ZDHHC13: variants seen among roughly 807,000 people sequenced by gnomAD.
ZDHHC13 encodes the protein palmitoyltransferase ZDHHC13.
In ZDHHC13, 85 loss-of-function variants were observed where a neutral mutation model predicts 86.0. That is an observed-to-expected ratio of 0.99 (90% CI 0.83 to 1.18). ZDHHC13 has a LOEUF of 1.18. Ranked by LOEUF, ZDHHC13 falls within the 50% of genes most tolerant of loss-of-function variation. ZDHHC13 has a pLI of 0.00. For synonymous variants in ZDHHC13, 263 were observed against 246.4 expected, an observed-to-expected ratio of 1.07 and a Z score of -0.63; for missense variants, 711 against 730.2, an observed-to-expected ratio of 0.97 and a Z score of 0.30.
intron 15 of ZDHHC13, 138 bp downstream of exon 15, chr11:19,170,706 T>C: frequency 1.2e-6 from 1 of 834,194 alleles, no homozygotes; most frequent in Non-Finnish European, 1.8e-6. Context: ...CCATGTCATT[T>C]AACCACACTT....
At chr11:19,171,294 C>T (rs1275842841) in intron 15 of ZDHHC13, among the ~76,000 whole-genome samples, 1 of 152,254 alleles carries the variant, frequency 6.6e-6, no homozygotes, top group South Asian at 2.1e-4. Flanking sequence ...ATTGCTGTGT[C>T]CTGCCCATGT....
chr11:19,175,879 G>C lies in ZDHHC13; in HGVS notation c.1788G>C (p.Val596=). 6.2e-7 allele frequency: 1 copy of C among 1,613,588 alleles called. No homozygotes were observed. The highest frequency in any genetic ancestry group is 8.5e-7 in the Non-Finnish European group (1 of 1,179,778). Residue 596 remains valine, a synonymous_variant, in exon 17 of 17, where the codon GTG becomes GTC. Coordinates refer to ENST00000446113, the MANE Select transcript of ZDHHC13 (RefSeq NM_019028.3). ...TTCAGTGTGGCTGCTTTGGCTTGGT[G>C]AAGCCCTGTGTGGTAGATTGGACAT... is the stretch of plus-strand genomic sequence containing the variant. The part of the protein sequence containing the change: ...DFFQCGCFGL[V]KPCVVDWTSQ...
Position 19,160,818 on chromosome 11 carries a change from T to G in ZDHHC13, c.1108+1778T>G, listed in dbSNP as rs895074758. Among the ~76,000 whole-genome samples the G allele has an allele frequency of 3.3e-4, 50 of 152,084 alleles. 2 individuals are homozygous for G. The highest frequency in any genetic ancestry group is 1.2e-3 in the African/African-American group (49 of 41,342). ...ACCTATTTCTTGGATGAGTTTTTTTTGTTTGTTTTTGTTTTAATCTCAGAC... is the reference window on the plus strand; with the variant it reads ...ACCTATTTCTTGGATGAGTTTTTTTGGTTTGTTTTTGTTTTAATCTCAGAC... On this transcript the variant is annotated intron_variant, in intron 10 of 16. Transcript: ENST00000446113.
In ZDHHC13 at chr11:19,117,304, T is replaced by A. The variant is rs1565014859; in HGVS notation, c.27+28T>A. On this transcript the variant is annotated intron_variant, in intron 1 of 16. Transcript: ENST00000446113. The surrounding 1 kb of genome is among the most constrained non-coding windows in gnomAD (Gnocchi z 4.2). ...GAGTGCGGCCGGGCGGTGGCTGTCC[T>A]GGGGGCCGGGAGAGCGGCTGCAGCT... The A allele has an allele frequency of 3.4e-6, 5 of 1,454,590 alleles. No homozygotes were observed. The highest frequency in any genetic ancestry group is 4.5e-6 in the Non-Finnish European group (5 of 1,103,262). The allele number at this position is 1,454,590 out of a possible 1,614,324, so 90.1% of individuals were successfully genotyped here.
chr11:19,165,413 C>T (rs1850035714), intron 13 of ZDHHC13, among the ~76,000 whole-genome samples: 1 of 152,162 alleles, frequency 6.6e-6, no homozygotes, highest in Admixed American at 6.5e-5. Flanking sequence ...GAAGTTAAAA[C>T]ACTTAACTTA....
intron 1 of ZDHHC13, among the ~76,000 whole-genome samples, chr11:19,137,144 C>G (rs200705531): frequency 1.5e-3 from 223 of 152,116 alleles, no homozygotes; most frequent in African/African-American, 5.0e-3. Flanking sequence ...GAGTCCAGAC[C>G]CATCAGTGTG....
chr11:19,121,407 C>T (rs1016633021), intron 1 of ZDHHC13, among the ~76,000 whole-genome samples: 3 of 152,176 alleles, frequency 2.0e-5, no homozygotes, highest in Admixed American at 2.0e-4. Context: ...AAACCAAGGA[C>T]CTTGTCTGTT....
At chr11:19,135,317 C>T (rs1849106713) in intron 1 of ZDHHC13, among the ~76,000 whole-genome samples, 1 of 152,224 alleles carries the variant, frequency 6.6e-6, no homozygotes, top group Non-Finnish European at 1.5e-5. Flanking sequence ...TGACAGATGG[C>T]ACCTGGAAAA....
rs2133430350 is a variant in ZDHHC13 at position 19,152,655 on chromosome 11, A to G, written c.844A>G (p.Arg282Gly). 6.2e-7 allele frequency: 1 copy of G among 1,613,398 alleles called. No homozygotes were observed. The highest frequency in any genetic ancestry group is 8.5e-7 in the Non-Finnish European group (1 of 1,179,400). Residue 282 changes from arginine to glycine, a missense_variant, in exon 8 of 17, where the codon AGA (arginine) becomes GGA (glycine). Arg to Gly is a moderately radical substitution (Grantham distance 125, BLOSUM62 -2). Coordinates refer to ENST00000446113, the MANE Select transcript of ZDHHC13 (RefSeq NM_019028.3). The stretch of plus-strand genomic sequence containing the variant: ...CAAAATGAGAGCCAACCAAAAGTTC[A>G]GACTTTGGAGGTGGCTGCAGAAATG... ...EAKMRANQKF[R>G]LWRWLQKCEL...
At chr11:19,169,121 G>C (rs1479072629) in intron 14 of ZDHHC13, 3 of 985,342 alleles carry the variant, frequency 3.0e-6, no homozygotes, top group African/African-American at 3.5e-5. Flanking sequence ...TTCAGTGTGA[G>C]ATCATGCTGT....
At chr11:19,149,769 A>G (rs1849561396) in intron 5 of ZDHHC13, among the ~76,000 whole-genome samples, 1 of 152,216 alleles carries the variant, frequency 6.6e-6, no homozygotes, top group Non-Finnish European at 1.5e-5. Context: ...ATTCCATGAA[A>G]ATTGACTTGC....
chr11:19,173,374 A>G (rs1042965541), intron 16 of ZDHHC13, among the ~76,000 whole-genome samples: 3 of 152,208 alleles, frequency 2.0e-5, no homozygotes, highest in East Asian at 1.9e-4. Flanking sequence ...GAGAGTATGT[A>G]TAGAAAGACC....
rs530011777 is a variant in ZDHHC13, at chr11:19,144,386, C to T, written c.173+1263C>T. ...GTCCTGGACCTTCTCAAGTGGTTGT[C>T]GGGGGACCTGTAGGTAGTATCTGGG... is the stretch of plus-strand genomic sequence containing the variant. On this transcript the variant is annotated intron_variant, in intron 2 of 16. Transcript: ENST00000446113. 8.7e-4 allele frequency among the ~76,000 whole-genome samples: 131 copies of T among 150,878 alleles called. 1 individual carries two copies. Among genetic ancestry groups the T allele is most frequent in the South Asian group, 1.7e-3 (8 of 4,752 alleles).
intron 2 of ZDHHC13, among the ~76,000 whole-genome samples, chr11:19,143,863 C>T (rs1849388143): frequency 6.6e-6 from 1 of 152,212 alleles, no homozygotes; most frequent in African/African-American, 2.4e-5. Context: ...CATCAGACTA[C>T]ATCAAGTATT....
At chr11:19,138,097 C>A (rs2133388315) in intron 1 of ZDHHC13, among the ~76,000 whole-genome samples, 1 of 151,726 alleles carries the variant, frequency 6.6e-6, no homozygotes, top group East Asian at 1.9e-4. Context: ...CACAAAAAAA[C>A]CCTTCAAAAA....
At position 19,151,605 on chromosome 11, in the gene ZDHHC13, A is replaced by G. The variant is rs181506701; in HGVS notation, c.585-553A>G. 3.4e-3 allele frequency among the ~76,000 whole-genome samples: 521 copies of G among 152,210 alleles called. 4 individuals are homozygous for G. The highest frequency in any genetic ancestry group is 0.012 in the African/African-American group (501 of 41,576). On this transcript the variant is annotated intron_variant, in intron 6 of 16. Coordinates refer to ENST00000446113, the MANE Select transcript of ZDHHC13 (RefSeq NM_019028.3). ...AAATAAAGTAGAATATTGTTTTATT[A>G]AAAGAATCTCTTCAGTGGTCATGAA...
At chr11:19,158,045 G>A (rs893023079) in intron 9 of ZDHHC13, among the ~76,000 whole-genome samples, 4 of 152,040 alleles carry the variant, frequency 2.6e-5, no homozygotes, top group Non-Finnish European at 4.4e-5. Context: ...CAAGATCTCC[G>A]ACAGACCATA....
At chr11:19,174,144 A>G (rs923915968) in intron 16 of ZDHHC13, among the ~76,000 whole-genome samples, 3 of 152,252 alleles carry the variant, frequency 2.0e-5, no homozygotes, top group Non-Finnish European at 2.9e-5. Context: ...ATAACCCAAC[A>G]GGCAGGTAGT....
In ZDHHC13 at chr11:19,174,913, C is replaced by G. The variant is rs61876752; in HGVS notation, c.1731-909C>G. 7.2e-3 allele frequency among the ~76,000 whole-genome samples: 1,098 copies of G among 152,200 alleles called. 7 individuals are homozygous for G. The highest frequency in any genetic ancestry group is 0.01 in the Non-Finnish European group (693 of 68,014). ...AACTAGAGGGATACCTTATATAGAG[C>G]CTTGAATACAAAGAGGAGGAATGTT... On this transcript the variant is annotated intron_variant, in intron 16 of 16. Coordinates refer to ENST00000446113, the MANE Select transcript of ZDHHC13 (RefSeq NM_019028.3).
Sources: allele counts gnomAD v4.1 joint callset (sites outside exome capture counted in the v4.1 genomes callset), GRCh38; gene constraint gnomAD v4.1.1; non-coding constraint Gnocchi (gnomAD v3.1); transcripts MANE v1.5; gene names NCBI Gene and HGNC (gene_info 2026-07-23, HGNC 2026-07-21).